The following ALK variants were observed in gnomAD, a reference collection of about 807,000 sequenced individuals.
ALK encodes the protein ALK tyrosine kinase receptor.
In ALK, 74 loss-of-function variants were observed where a neutral mutation model predicts 163.1. That is an observed-to-expected ratio of 0.45 (90% CI 0.38 to 0.55). The LOEUF is 0.55. Ranked by LOEUF, ALK falls within the 20% of genes least tolerant of loss-of-function variation. ALK has a pLI of 0.00. For synonymous variants in ALK, 960 were observed against 843.2 expected, an observed-to-expected ratio of 1.14 and a Z score of -2.40; for missense variants, 2,063 against 2,105.3, an observed-to-expected ratio of 0.98 and a Z score of 0.39.
rs1194282326 is a variant in ALK at position 29,232,357 on chromosome 2, C to A, written c.2579G>T (p.Arg860Ile). ...TAGAACCGAGGAGTTATTCTCCAGT[C>A]TCTCTGGGTGGAACGTGTCTGTCTT... ...GAKTDTFHPE[R>I]LENNSSVLGL... The change falls in exon 15 of 29, where the codon AGA (arginine) becomes ATA (isoleucine). Residue 860 changes from arginine (R) to isoleucine (I), a missense_variant. By Grantham distance (97) the Arg-to-Ile change is moderately conservative. Around this residue, in one of 5 missense-constraint regions of ALK, gnomAD observed 575 missense variants for 626.6 expected, o/e 0.92. Transcript: ENST00000389048. 5.0e-6 allele frequency: 8 copies of A among 1,614,158 alleles called. No homozygotes were observed. Among genetic ancestry groups the A allele is most frequent in the South Asian group, 1.1e-5 (1 of 91,090 alleles).
chr2:29,665,249 A>G (rs1021066562), intron 3 of ALK, among the ~76,000 whole-genome samples: 4 of 151,696 alleles, frequency 2.6e-5, no homozygotes, highest in African/African-American at 9.7e-5. Flanking sequence ...AGCCTCCCAA[A>G]GTGTTGGGAA....
At chr2:29,359,050 A>G (rs1402783562) in intron 5 of ALK, among the ~76,000 whole-genome samples, 3 of 152,170 alleles carry the variant, frequency 2.0e-5, no homozygotes, top group African/African-American at 7.2e-5. Flanking sequence ...GTTGTGCATT[A>G]CAACAATTGT....
intron 4 of ALK, among the ~76,000 whole-genome samples, chr2:29,473,335 G>A (rs557001194): frequency 6.6e-6 from 1 of 152,180 alleles, no homozygotes; most frequent in South Asian, 2.1e-4. Context: ...ACCTAAATGT[G>A]AAAGGAAAAA....
At chr2:29,609,835 T>G (rs190476125) in intron 3 of ALK, among the ~76,000 whole-genome samples, 2 of 152,198 alleles carry the variant, frequency 1.3e-5, no homozygotes, top group Non-Finnish European at 2.9e-5. Context: ...AGGGATGAGA[T>G]CTCACTGTGT....
At chr2:29,502,478 C>A (rs1672212958) in intron 4 of ALK, among the ~76,000 whole-genome samples, 1 of 152,156 alleles carries the variant, frequency 6.6e-6, no homozygotes, top group African/African-American at 2.4e-5. Context: ...GAGCATGGAT[C>A]ACTCAACGTT....
At chr2:29,362,222 G>A (rs1361221482) in intron 5 of ALK, among the ~76,000 whole-genome samples, 3 of 152,184 alleles carry the variant, frequency 2.0e-5, no homozygotes, top group Non-Finnish European at 2.9e-5. Context: ...GGAGAAGGAC[G>A]GGAGGTAATG....
At chr2:29,689,452 C>T (rs10176775) in intron 3 of ALK, among the ~76,000 whole-genome samples, 8,523 of 152,106 alleles carry the variant, frequency 0.056, 365 homozygotes, top group African/African-American at 0.11. Context: ...GTTCAGGGAC[C>T]CTTTTAAGAA....
intron 4 of ALK, among the ~76,000 whole-genome samples, chr2:29,527,595 C>A (rs927417523): frequency 6.6e-6 from 1 of 152,128 alleles, no homozygotes; most frequent in Non-Finnish European, 1.5e-5. Flanking sequence ...GCAGCCTCAA[C>A]CTCTTGGGCT....
In ALK at chr2:29,734,449, C is replaced by T. The variant is rs59133774; in HGVS notation, c.668-16752G>A. ...AAAATAGATCATTAATCAGATGGCA[C>T]GGAAGCCTTTAGAAATATACATCGA... On this transcript the variant is annotated intron_variant, in intron 1 of 28. Transcript: ENST00000389048. 4.7e-3 allele frequency among the ~76,000 whole-genome samples: 708 copies of T among 152,144 alleles called. 3 individuals carry two copies. Among genetic ancestry groups the T allele is most frequent in the African/African-American group, 0.014 (591 of 41,502 alleles).
intron 5 of ALK, among the ~76,000 whole-genome samples, chr2:29,335,381 G>A (rs746579903): frequency 9.2e-5 from 14 of 152,104 alleles, no homozygotes; most frequent in Admixed American, 3.3e-4. Context: ...TTTACCCTTC[G>A]TTTGAATCTC....
chr2:29,514,380 C>T (rs1672605114), intron 4 of ALK, among the ~76,000 whole-genome samples: 1 of 151,316 alleles, frequency 6.6e-6, no homozygotes, highest in African/African-American at 2.4e-5. Context: ...AATCATCATT[C>T]TCAGTAAACT....
At chr2:29,290,665 C>T (rs547918466) in intron 9 of ALK, among the ~76,000 whole-genome samples, 3 of 152,270 alleles carry the variant, frequency 2.0e-5, no homozygotes, top group South Asian at 4.1e-4. Context: ...AATGAAAGGG[C>T]GATTTGTTAA....
At chr2:29,217,829 G>A (rs1444819248) in intron 23 of ALK, among the ~76,000 whole-genome samples, 2 of 152,146 alleles carry the variant, frequency 1.3e-5, no homozygotes, top group Non-Finnish European at 2.9e-5. Context: ...GGCCTCTGAA[G>A]TCCAAGTTTC....
At chr2:29,639,556 G>A (rs1676640878) in intron 3 of ALK, among the ~76,000 whole-genome samples, 1 of 152,138 alleles carries the variant, frequency 6.6e-6, no homozygotes, top group Admixed American at 6.5e-5. Flanking sequence ...ACTGAGACCG[G>A]GGAGAATATA....
chr2:29,272,427 G>A (rs1023060602), intron 11 of ALK, among the ~76,000 whole-genome samples: 8 of 152,184 alleles, frequency 5.3e-5, no homozygotes, highest in African/African-American at 9.7e-5. Flanking sequence ...AAACTTGAGC[G>A]GCTCAGCTCT....
intron 1 of ALK, among the ~76,000 whole-genome samples, chr2:29,793,030 T>C (rs1664227188): frequency 1.4e-4 from 2 of 14,462 alleles, no homozygotes; most frequent in Non-Finnish European, 0.017. Flanking sequence ...TTGATAGCAT[T>C]TTGCCCACAG....
chr2:29,306,442 G>A (rs1268616228), intron 8 of ALK, among the ~76,000 whole-genome samples: 1 of 152,212 alleles, frequency 6.6e-6, no homozygotes, highest in African/African-American at 2.4e-5. Context: ...GATCTTTGTT[G>A]CTCAGTGTGT....
Position 29,227,094 on chromosome 2 carries a change from G to T in ALK, c.2915-20C>A, listed in dbSNP as rs757277369. On this transcript the variant is annotated intron_variant, in intron 17 of 28. Transcript: ENST00000389048. This position sits in a 1 kb window ranked among gnomAD's most constrained non-coding sequence, Gnocchi z 4.4. ...CCATCACTAGTGACAAGGAGGGAGG[G>T]TCAGTCTTGGGCCGAGCCTGCCTCC... 1 of 1,613,996 alleles carries T rather than the reference G, an allele frequency of 6.2e-7. No homozygotes were observed. Among genetic ancestry groups the T allele is most frequent in the Non-Finnish European group, 8.5e-7 (1 of 1,180,000 alleles).
intron 3 of ALK, among the ~76,000 whole-genome samples, chr2:29,537,644 T>G (rs1673296778): frequency 6.6e-6 from 1 of 152,202 alleles, no homozygotes; most frequent in Non-Finnish European, 1.5e-5. Flanking sequence ...GGGCACTTCC[T>G]AGTGGAGCTG....
Sources: gnomAD v4.1 joint callset for allele counts (sites outside exome capture counted in the v4.1 genomes callset) on GRCh38, gnomAD v4.1.1 for gene constraint, gnomAD v4.1.1 regional missense constraint, Gnocchi (gnomAD v3.1) non-coding constraint, MANE v1.5 for transcripts, NCBI Gene and HGNC (gene_info 2026-07-23, HGNC 2026-07-21) for gene names.